INO80D: variants seen among roughly 807,000 people sequenced by gnomAD.
The protein encoded by INO80D is INO80 complex subunit D.
Under a neutral mutation model 87.6 loss-of-function variants are expected in INO80D, and 21 were observed. The ratio of observed to expected loss-of-function variants is 0.24; its 90% CI spans 0.17 to 0.35. The LOEUF is 0.35. INO80D is among the 10% of genes least tolerant of loss of function. INO80D has a pLI of 1.00. For missense variants in INO80D, 982 were observed against 1,280.7 expected (o/e 0.77, Z 3.56); for synonymous variants, 440 against 491.0 (o/e 0.90, Z 1.37).
At position 206,039,478 on chromosome 2, in the gene INO80D, A is replaced by C. The variant is rs183398629; in HGVS notation, c.1073+7026T>G. Among the ~76,000 whole-genome samples the C allele has an allele frequency of 3.2e-3, 493 of 152,292 alleles. 1 individual carries two copies. The highest frequency in any genetic ancestry group is 3.5e-3 in the Non-Finnish European group (239 of 68,012). ...GGCTCTTGGTTCTGGGCTTAGTGGC[A>C]TGGTTCCAGAATTTTATTTAATAAA... On this transcript the variant is annotated intron_variant, in intron 5 of 10. Transcript: ENST00000403263.
rs1162703760 is a variant in INO80D, at chr2:206,082,315, CG to C, written c.-124+3585del. ...GATTACAGGCGTGAGCCACCACGCC[CG>C]GCCTAAAAACTCATCTTAAAAACAA... On this transcript the variant is annotated intron_variant, in intron 1 of 10. Transcript: ENST00000403263. Among the ~76,000 whole-genome samples the C allele has an allele frequency of 3.9e-5, 6 of 152,298 alleles. No homozygotes were observed. The East Asian group carries it at 1.2e-3, about 29-fold the overall frequency.
chr2:206,040,138 C>A (rs1336473739), intron 5 of INO80D, among the ~76,000 whole-genome samples: 1 of 150,604 alleles, frequency 6.6e-6, no homozygotes, highest in Non-Finnish European at 1.5e-5. Context: ...ACTAAAAATA[C>A]AAAAATTAGC....
chr2:206,024,935 T>C (rs1432647070), intron 6 of INO80D, among the ~76,000 whole-genome samples: 2 of 151,990 alleles, frequency 1.3e-5, no homozygotes, highest in African/African-American at 4.8e-5. Context: ...TTTGTGTTTT[T>C]AGTAGAGACA....
At position 206,021,945 on chromosome 2, in the gene INO80D, A is replaced by G. The variant is rs556705783; in HGVS notation, c.1299-2100T>C. On this transcript the variant is annotated intron_variant, in intron 6 of 10. Transcript: ENST00000403263. ...GATAATTTTCATTAAACACTCTAAT[A>G]AACCGCTCAGCTATCTTCAAAGACT... Among the ~76,000 whole-genome samples, 20 of 152,260 alleles carry G rather than the reference A, an allele frequency of 1.3e-4. No homozygotes were observed. The South Asian group carries it at 4.1e-3, about 32-fold the overall frequency.
At chr2:206,019,554 A>AT (rs1688404769) in intron 7 of INO80D, among the ~76,000 whole-genome samples, 182 bp downstream of exon 7, 1 of 152,182 alleles carries the variant, frequency 6.6e-6, no homozygotes, top group Non-Finnish European at 1.5e-5. Flanking sequence ...ATTTTTTGTG[A>AT]TTTTTGAGTA....
chr2:206,030,947 G>A (rs1270853894), intron 5 of INO80D, among the ~76,000 whole-genome samples: 1 of 152,192 alleles, frequency 6.6e-6, no homozygotes, highest in Non-Finnish European at 1.5e-5. Flanking sequence ...GAAGGAGCAG[G>A]ACTGGAGAGC....
chr2:206,004,507 T>C lies in INO80D; in HGVS notation c.2945A>G (p.Gln982Arg). The change falls in exon 11 of 11, where the codon CAG (glutamine) becomes CGG (arginine). Residue 982 changes from glutamine to arginine, a missense_variant. Coordinates refer to ENST00000403263, the MANE Select transcript of INO80D (RefSeq NM_017759.5). The surrounding 1 kb of genome is among the most constrained non-coding windows in gnomAD (Gnocchi z 4.9). ...LPQFSAAFGHQLSSHSGIPKD... is the reference protein window; with the variant it reads ...LPQFSAAFGHRLSSHSGIPKD... Reference sequence around the variant, plus strand: ...AGGAATGCCACTGTGAGAACTCAGCTGGTGGCCAAAGGCTGCGCTGAACTG... The same window carrying C: ...AGGAATGCCACTGTGAGAACTCAGCCGGTGGCCAAAGGCTGCGCTGAACTG... The C allele has an allele frequency of 6.2e-7, 1 of 1,610,244 alleles. No homozygotes were observed. Among genetic ancestry groups the C allele is most frequent in the Non-Finnish European group, 8.5e-7 (1 of 1,178,324 alleles).
At chr2:206,021,484 GT>G (rs1160745630) in intron 6 of INO80D, among the ~76,000 whole-genome samples, 2 of 152,056 alleles carry the variant, frequency 1.3e-5, no homozygotes, top group Non-Finnish European at 2.9e-5. Flanking sequence ...TTAAAAAATT[GT>G]TTACATTAAA....
intron 1 of INO80D, among the ~76,000 whole-genome samples, chr2:206,075,468 A>G (rs1264734876): frequency 5.3e-4 from 79 of 149,924 alleles, no homozygotes; most frequent in African/African-American, 1.8e-3. Flanking sequence ...ACAGAATCTC[A>G]TTCTGTTGCC....
At chr2:206,061,196 G>C (rs922142071) in intron 3 of INO80D, among the ~76,000 whole-genome samples, 8 of 151,936 alleles carry the variant, frequency 5.3e-5, no homozygotes, top group Non-Finnish European at 1.5e-5. Flanking sequence ...ATTTTTTGTA[G>C]AGATGGGGTT....
chr2:206,085,393 G>C lies in INO80D; in HGVS notation c.-124+508C>G, dbSNP rs1690418891. On this transcript the variant is annotated intron_variant, in intron 1 of 10. Coordinates refer to ENST00000403263, the MANE Select transcript of INO80D (RefSeq NM_017759.5). This position sits in a 1 kb window ranked among gnomAD's most constrained non-coding sequence, Gnocchi z 4.5. ...GCCCATTCCCCACTCCCCACTCCTA[G>C]GCCCTGACGCCCCTGTCCCGGCAGC... is the stretch of plus-strand genomic sequence containing the variant. 6.6e-6 allele frequency: 1 copy of C among 151,910 alleles called. No individual in the cohort carries two copies. The highest frequency in any genetic ancestry group is 6.5e-5 in the Admixed American group (1 of 15,270). The allele number at this position is 151,910 out of a possible 1,614,324, so 9.4% of individuals were successfully genotyped here. A position where few individuals can be genotyped will look rare whatever the true frequency, so the allele number is the denominator to read the frequency against.
chr2:206,048,493 A>G (rs1274599980), intron 4 of INO80D, among the ~76,000 whole-genome samples: 2 of 152,140 alleles, frequency 1.3e-5, no homozygotes, highest in Non-Finnish European at 2.9e-5. Context: ...TTAGCCTCCC[A>G]AAGTGCTGCA....
In INO80D at chr2:205,999,311, C is replaced by A. The variant is rs948637568; in HGVS notation, c.*5057G>T. 6.6e-6 allele frequency: 1 copy of A among 152,254 alleles called. No homozygotes were observed. Among genetic ancestry groups the A allele is most frequent in the Non-Finnish European group, 1.5e-5 (1 of 68,106 alleles). The allele number at this position is 152,254 out of a possible 1,614,324, so 9.4% of individuals were successfully genotyped here. A position where few individuals can be genotyped will look rare whatever the true frequency, so the allele number is the denominator to read the frequency against. On this transcript the variant is annotated 3_prime_UTR_variant, in exon 11 of 11. Transcript: ENST00000403263. ...ATTCTTCGGGACTGTGGTGGGCAGA[C>A]GCAAGAAGGCGAAAGAGAAGATGGA...
Position 205,999,286 on chromosome 2 carries a change from A to T in INO80D, c.*5082T>A, listed in dbSNP as rs1272451565. Reference sequence around the variant, plus strand: ...GGGTACAGATCATATGTGCGTGTGCATTCTTCGGGACTGTGGTGGGCAGAC... The same window carrying T: ...GGGTACAGATCATATGTGCGTGTGCTTTCTTCGGGACTGTGGTGGGCAGAC... On this transcript the variant is annotated 3_prime_UTR_variant, in exon 11 of 11. Coordinates refer to ENST00000403263, the MANE Select transcript of INO80D (RefSeq NM_017759.5). 3 of 152,302 alleles carry T rather than the reference A, an allele frequency of 2.0e-5. No homozygotes were observed. The highest frequency in any genetic ancestry group is 4.4e-5 in the Non-Finnish European group (3 of 68,076). The allele number at this position is 152,302 out of a possible 1,614,324, so 9.4% of individuals were successfully genotyped here.
chr2:206,085,533 G>A lies in INO80D; in HGVS notation c.-124+368C>T, dbSNP rs1690430568. On this transcript the variant is annotated intron_variant, in intron 1 of 10. Coordinates refer to ENST00000403263, the MANE Select transcript of INO80D (RefSeq NM_017759.5). The surrounding 1 kb of genome is among the most constrained non-coding windows in gnomAD (Gnocchi z 4.5). Reference sequence around the variant, plus strand: ...TCGAGGGGGCGCGCGGAGGCCCGGGGTGCGGGGGCAGGGCGCGGCTGCCGT... The same window carrying A: ...TCGAGGGGGCGCGCGGAGGCCCGGGATGCGGGGGCAGGGCGCGGCTGCCGT... The A allele has an allele frequency of 6.6e-6, 1 of 150,442 alleles. No individual in the cohort carries two copies. The highest frequency in any genetic ancestry group is 1.5e-5 in the Non-Finnish European group (1 of 67,496). The allele number at this position is 150,442 out of a possible 1,614,324, so 9.3% of individuals were successfully genotyped here.
intron 5 of INO80D, among the ~76,000 whole-genome samples, chr2:206,030,817 C>T (rs1251251408): frequency 6.6e-6 from 1 of 151,978 alleles, no homozygotes; most frequent in Non-Finnish European, 1.5e-5. Context: ...AGAGGTGTGC[C>T]ATGACAATGA....
rs925329201 is a variant in INO80D, at chr2:206,001,111, A to G, written c.*3257T>C. On this transcript the variant is annotated 3_prime_UTR_variant, in exon 11 of 11. Transcript: ENST00000403263. ...CTATTGAGTTGTTTACTAGCTACAT[A>G]ACCTACCCAGATGTGCAAATTGCTA... The G allele has an allele frequency of 6.6e-6, 1 of 152,248 alleles. No homozygotes were observed. Among genetic ancestry groups the G allele is most frequent in the African/African-American group, 2.4e-5 (1 of 41,466 alleles). The allele number at this position is 152,248 out of a possible 1,614,324, so 9.4% of individuals were successfully genotyped here. A position where few individuals can be genotyped will look rare whatever the true frequency, so the allele number is the denominator to read the frequency against.
At chr2:206,056,150 C>T (rs192780906) in intron 4 of INO80D, 48 bp downstream of exon 4, 267 of 1,508,766 alleles carry the variant, frequency 1.8e-4, no homozygotes, top group Admixed American at 2.4e-4. Flanking sequence ...CAACCGAACA[C>T]ATTTTGTCAT....
intron 3 of INO80D, among the ~76,000 whole-genome samples, chr2:206,059,122 T>C (rs943025008): frequency 1.3e-5 from 2 of 151,588 alleles, no homozygotes; most frequent in Non-Finnish European, 2.9e-5. Context: ...GGCTCATGCT[T>C]GTAATCCCAG....
Sources: allele counts gnomAD v4.1 joint callset (sites outside exome capture counted in the v4.1 genomes callset), GRCh38; gene constraint gnomAD v4.1.1; non-coding constraint Gnocchi (gnomAD v3.1); transcripts MANE v1.5; gene names NCBI Gene and HGNC (gene_info 2026-07-23, HGNC 2026-07-21).